Variants in LAMA4 observed in about 807,000 individuals in gnomAD.
LAMA4 encodes the protein laminin subunit alpha-4.
In LAMA4, 127 loss-of-function variants were observed where a neutral mutation model predicts 207.1. The ratio of observed to expected loss-of-function variants is 0.61; its 90% CI spans 0.53 to 0.71. The LOEUF (loss-of-function observed/expected upper bound fraction) is 0.71, where lower values mean the gene tolerates loss of function less well. LAMA4 is among the 30% of genes least tolerant of loss of function. LAMA4 has a pLI of 0.00. For missense variants in LAMA4, 2,093 were observed against 2,246.5 expected (o/e 0.93, Z 1.38); for synonymous variants, 761 against 816.0 (o/e 0.93, Z 1.15).
intron 26 of LAMA4, among the ~76,000 whole-genome samples, 187 bp from the exon 27 acceptor site, chr6:112,133,674 G>A (rs537033752): frequency 7.9e-5 from 12 of 152,236 alleles, no homozygotes; most frequent in Non-Finnish European, 1.8e-4. Flanking sequence ...TTTGTTCTAC[G>A]TCAAGCCAAT....
chr6:112,207,428 T>G (rs1185324419), intron 3 of LAMA4, among the ~76,000 whole-genome samples: 1 of 152,174 alleles, frequency 6.6e-6, no homozygotes, highest in Non-Finnish European at 1.5e-5. Flanking sequence ...CATCAGTTAC[T>G]TATTTCAGTT....
chr6:112,247,459 A>C (rs140458311), intron 2 of LAMA4, among the ~76,000 whole-genome samples: 56 of 152,352 alleles, frequency 3.7e-4, no homozygotes, highest in Non-Finnish European at 7.3e-4. Context: ...GCATTAAAAA[A>C]AATTTGAGTC....
chr6:112,164,424 C>T (rs1369789378), intron 13 of LAMA4, among the ~76,000 whole-genome samples: 2 of 151,806 alleles, frequency 1.3e-5, no homozygotes, highest in African/African-American at 4.8e-5. Flanking sequence ...CTGGGTATGG[C>T]CATAGGTGGG....
chr6:112,124,476 T>C lies in LAMA4; in HGVS notation c.4288-2275A>G, dbSNP rs1253890607. 2.6e-5 allele frequency among the ~76,000 whole-genome samples: 4 copies of C among 152,332 alleles called. No homozygotes were observed. The South Asian group carries it at 8.3e-4, about 32-fold the overall frequency. On this transcript the variant is annotated intron_variant, in intron 31 of 38. Transcript: ENST00000230538. ...TGCAGATACACATTCACACTCTTAG[T>C]AATGATAAAATAGCCAAGTTATAAC...
At chr6:112,121,030 T>C (rs1778326427) in intron 32 of LAMA4, among the ~76,000 whole-genome samples, 1 of 151,900 alleles carries the variant, frequency 6.6e-6, no homozygotes, top group African/African-American at 2.4e-5. Flanking sequence ...GCCATGATCA[T>C]GCCACTGCCC....
intron 12 of LAMA4, among the ~76,000 whole-genome samples, chr6:112,170,211 T>C (rs1197028022): frequency 1.3e-5 from 2 of 152,202 alleles, no homozygotes; most frequent in Non-Finnish European, 2.9e-5. Flanking sequence ...GTATTAATAA[T>C]AGGTCTTGCT....
chr6:112,214,023 G>C, intron 3 of LAMA4: 1 of 764,334 alleles, frequency 1.3e-6, no homozygotes, highest in Non-Finnish European at 2.4e-6. Context: ...AGCTGAGAAT[G>C]AACGATAGGG....
At chr6:112,187,336 A>C (rs782296899) in intron 8 of LAMA4, 114 bp downstream of exon 8, 7 of 1,188,268 alleles carry the variant, frequency 5.9e-6, no homozygotes, top group Non-Finnish European at 8.8e-6. Context: ...CAGGTCTAAC[A>C]ACCTGTAATA....
chr6:112,239,546 C>T (rs1223843941), intron 2 of LAMA4, among the ~76,000 whole-genome samples: 1 of 152,142 alleles, frequency 6.6e-6, no homozygotes, highest in African/African-American at 2.4e-5. Context: ...TTCCCCCATT[C>T]AGGTTACAAT....
At position 112,246,986 on chromosome 6, in the gene LAMA4, T is replaced by C. The variant is rs1447521891; in HGVS notation, c.195+6970A>G. 3.9e-5 allele frequency among the ~76,000 whole-genome samples: 6 copies of C among 152,206 alleles called. No individual in the cohort carries two copies. The East Asian group carries it at 1.2e-3, about 29-fold the overall frequency. On this transcript the variant is annotated intron_variant, in intron 2 of 38. Transcript: ENST00000230538. Reference sequence around the variant, plus strand: ...TCTCCAATGTTGGATAATCAGCAAATTTTAAGCAAAAGTTAAAAGTACTCG... The same window carrying C: ...TCTCCAATGTTGGATAATCAGCAAACTTTAAGCAAAAGTTAAAAGTACTCG...
At chr6:112,178,467 A>G (rs1554344545) in intron 9 of LAMA4, 1 of 483,200 alleles carries the variant, frequency 2.1e-6, no homozygotes, top group Non-Finnish European at 3.7e-6. Context: ...TATAGGTGGT[A>G]TTTGGTTACA....
At chr6:112,176,771 C>T (rs1298313707) in intron 10 of LAMA4, among the ~76,000 whole-genome samples, 1 of 152,178 alleles carries the variant, frequency 6.6e-6, no homozygotes, top group Non-Finnish European at 1.5e-5. Context: ...GAAATACAGA[C>T]AATAGTATTT....
chr6:112,112,947 T>TA (rs1481508444), intron 38 of LAMA4, among the ~76,000 whole-genome samples: 1 of 152,154 alleles, frequency 6.6e-6, no homozygotes, highest in Non-Finnish European at 1.5e-5. Flanking sequence ...CTCACTCACA[T>TA]ACATGAGCTT....
At chr6:112,166,689 C>G (rs1165373993) in intron 12 of LAMA4, among the ~76,000 whole-genome samples, 2 of 152,114 alleles carry the variant, frequency 1.3e-5, no homozygotes, top group Non-Finnish European at 2.9e-5. Context: ...TGAGTTTCTC[C>G]CACTTACCGT....
intron 5 of LAMA4, among the ~76,000 whole-genome samples, chr6:112,196,714 G>A (rs888863132): frequency 9.9e-5 from 15 of 152,144 alleles, no homozygotes; most frequent in African/African-American, 3.6e-4. Flanking sequence ...CCATTTTCCT[G>A]GAATGGGGTG....
intron 9 of LAMA4, among the ~76,000 whole-genome samples, chr6:112,181,825 G>A (rs782345666): frequency 3.3e-5 from 5 of 152,144 alleles, no homozygotes; most frequent in Middle Eastern, 3.2e-3. Context: ...CAGGCCGGGC[G>A]CGGTGGCTCA....
chr6:112,249,035 G>A (rs1254335158), intron 2 of LAMA4, among the ~76,000 whole-genome samples: 2 of 152,188 alleles, frequency 1.3e-5, no homozygotes, highest in South Asian at 2.1e-4. Context: ...GTTTTAAAAA[G>A]TAGTCATTAG....
chr6:112,162,949 C>G (rs1781144787), intron 13 of LAMA4, among the ~76,000 whole-genome samples: 4 of 146,908 alleles, frequency 2.7e-5, no homozygotes, highest in Admixed American at 2.7e-4. Context: ...GGCCCAGTGT[C>G]AAGTGCAGCT....
rs375622742 is a variant in LAMA4 at position 112,175,470 on chromosome 6, G to A, written c.1200C>T (p.Asn400=). Residue 400 remains asparagine (N), a synonymous_variant, in exon 11 of 39, where the codon AAC becomes AAT. Coordinates refer to ENST00000230538, the MANE Select transcript of LAMA4 (RefSeq NM_001105206.3). ...GCTCTTCCCCATAATAGAGCATCTT[G>A]TTGTTGATCTCTGAAAGGAAGAACA... is the stretch of plus-strand genomic sequence containing the variant. ...DMRDKIQEIN[N]KMLYYGEEHE... The A allele has an allele frequency of 6.2e-7, 1 of 1,614,168 alleles. No individual in the cohort carries two copies.
Sources: allele counts gnomAD v4.1 joint callset (sites outside exome capture counted in the v4.1 genomes callset), GRCh38; gene constraint gnomAD v4.1.1; transcripts MANE v1.5; gene names NCBI Gene and HGNC (gene_info 2026-07-23, HGNC 2026-07-21).